The following ARHGEF28 variants were observed in gnomAD, a reference collection of about 807,000 sequenced individuals.
ARHGEF28 encodes Rho guanine nucleotide exchange factor 28.
A neutral mutation model predicts 206.6 loss-of-function variants in ARHGEF28; 152 were observed. The observed-to-expected ratio is 0.74, with a 90% CI of 0.64 to 0.84. ARHGEF28 has a LOEUF of 0.84. Among genes scored for constraint, ARHGEF28 ranks in the 40% least tolerant of loss-of-function variants. The pLI is 0.00. For synonymous variants in ARHGEF28, 763 were observed against 776.4 expected, an observed-to-expected ratio of 0.98 and a Z score of 0.29; for missense variants, 2,028 against 2,073.2, an observed-to-expected ratio of 0.98 and a Z score of 0.42.
At chr5:73,915,960 A>G (rs1763188601) in intron 35 of ARHGEF28, among the ~76,000 whole-genome samples, 1 of 152,206 alleles carries the variant, frequency 6.6e-6, no homozygotes, top group Non-Finnish European at 1.5e-5. Context: ...AAGTAACTTG[A>G]TTAAGTTTGA....
intron 22 of ARHGEF28, among the ~76,000 whole-genome samples, chr5:73,877,291 G>A (rs1256347572): frequency 8.0e-5 from 12 of 149,762 alleles, no homozygotes; most frequent in East Asian, 2.0e-4. Flanking sequence ...TTTTTATTGC[G>A]TCTATTTGAT....
intron 2 of ARHGEF28, among the ~76,000 whole-genome samples, chr5:73,708,976 A>G (rs888668563): frequency 6.6e-6 from 1 of 152,008 alleles, no homozygotes; most frequent in Non-Finnish European, 1.5e-5. Context: ...CCTTTTGGCC[A>G]CTTGTCTGTC....
intron 2 of ARHGEF28, among the ~76,000 whole-genome samples, chr5:73,737,089 C>T (rs1248938773): frequency 2.6e-5 from 4 of 152,138 alleles, no homozygotes; most frequent in Admixed American, 2.6e-4. Context: ...TCCCCACCCC[C>T]ACTTTATGAT....
chr5:73,636,853 G>T (rs950735237), intron 1 of ARHGEF28, among the ~76,000 whole-genome samples: 8 of 152,284 alleles, frequency 5.3e-5, no homozygotes, highest in African/African-American at 1.9e-4. Context: ...GGTAAGGATG[G>T]TGTCTTAAGC....
At chr5:73,772,858 A>G (rs1230343210) in intron 4 of ARHGEF28, among the ~76,000 whole-genome samples, 1 of 152,200 alleles carries the variant, frequency 6.6e-6, no homozygotes, top group Non-Finnish European at 1.5e-5. Context: ...ATAATGAGCA[A>G]TCATTCATTT....
intron 11 of ARHGEF28, among the ~76,000 whole-genome samples, chr5:73,841,981 T>A (rs1013663688): frequency 1.3e-5 from 2 of 152,194 alleles, no homozygotes; most frequent in African/African-American, 2.4e-5. Flanking sequence ...CCTTATATTT[T>A]CTTGCATATA....
At chr5:73,753,226 G>T in intron 4 of ARHGEF28, 24 bp downstream of exon 4, 1 of 1,514,518 alleles carries the variant, frequency 6.6e-7, no homozygotes, top group Non-Finnish European at 8.8e-7. Flanking sequence ...AGAAAATTCA[G>T]ATATCCCCTC....
intron 7 of ARHGEF28, among the ~76,000 whole-genome samples, chr5:73,781,381 C>T (rs948341549): frequency 2.6e-5 from 4 of 152,180 alleles, no homozygotes; most frequent in Non-Finnish European, 5.9e-5. Flanking sequence ...TGTTCCTACT[C>T]TATTCCACAA....
chr5:73,667,557 C>T (rs141462375), intron 1 of ARHGEF28, among the ~76,000 whole-genome samples: 3 of 152,326 alleles, frequency 2.0e-5, no homozygotes, highest in African/African-American at 7.2e-5. Context: ...CTCCCATCAT[C>T]TTGATGAATA....
rs760877373 is a variant in ARHGEF28, at chr5:73,909,499, C to T, written c.4249C>T (p.Leu1417Phe). The T allele has an allele frequency of 1.2e-6, 2 of 1,610,198 alleles. No homozygotes were observed. The highest frequency in any genetic ancestry group is 1.7e-6 in the Non-Finnish European group (2 of 1,178,374). Residue 1417 changes from leucine (L) to phenylalanine (F), a missense_variant, in exon 34 of 36, where the codon CTC becomes TTC. This residue lies in a region of ARHGEF28 where 803 missense variants were observed against 768.0 expected (regional missense o/e 1.05). Coordinates refer to ENST00000513042, the MANE Select transcript of ARHGEF28 (RefSeq NM_001177693.2). ...GGGCCTGTCTCTCGGCCACTCTATC[C>T]TCCGAGGCGGCCCCTTGCAGGACCA... ...QEGLSLGHSI[L>F]RGGPLQDQKS...
At position 73,930,864 on chromosome 5, in the gene ARHGEF28, G is replaced by C. The variant is rs553302454; in HGVS notation, c.4949-9980G>C. Reference sequence around the variant, plus strand: ...TGCCTTTAGGGTCCTCTGTACTTCTGTTCCAATATGGACTTGTTGCTCTCC... The same window carrying C: ...TGCCTTTAGGGTCCTCTGTACTTCTCTTCCAATATGGACTTGTTGCTCTCC... On this transcript the variant is annotated intron_variant, in intron 35 of 35. Coordinates refer to ENST00000513042, the MANE Select transcript of ARHGEF28 (RefSeq NM_001177693.2). Among the ~76,000 whole-genome samples, 123 of 152,134 alleles carry C rather than the reference G, an allele frequency of 8.1e-4. 1 individual carries two copies. Among genetic ancestry groups the C allele is most frequent in the African/African-American group, 2.8e-3 (115 of 41,504 alleles).
At chr5:73,671,795 A>C (rs1746363749) in intron 1 of ARHGEF28, among the ~76,000 whole-genome samples, 1 of 91,034 alleles carries the variant, frequency 1.1e-5, no homozygotes, top group South Asian at 5.1e-4. Flanking sequence ...TCGCTCTGTC[A>C]CCCAGGCTGG....
chr5:73,857,751 G>A lies in ARHGEF28; in HGVS notation c.1886G>A (p.Arg629Lys), dbSNP rs759613278. The A allele has an allele frequency of 2.9e-5, 47 of 1,612,860 alleles. 1 individual carries two copies. In the Middle Eastern group the frequency reaches 3.5e-3, roughly 119 times the overall value. ...CGAACTTTCAGTTTCCTCATGAATAGGATGACTAGCCCTCGGAATAAATCA... is the reference window on the plus strand; with the variant it reads ...CGAACTTTCAGTTTCCTCATGAATAAGATGACTAGCCCTCGGAATAAATCA... The part of the protein sequence containing the change: ...VSRTFSFLMN[R>K]MTSPRNKSKT... The change falls in exon 15 of 36, where the codon AGG (arginine) becomes AAG (lysine). Residue 629 changes from arginine to lysine, a missense_variant. Arg to Lys is a conservative substitution (Grantham distance 26). Coordinates refer to ENST00000513042, the MANE Select transcript of ARHGEF28 (RefSeq NM_001177693.2).
chr5:73,901,378 A>G (rs1460054579), intron 31 of ARHGEF28, 94 bp downstream of exon 31: 2 of 944,540 alleles, frequency 2.1e-6, no homozygotes, highest in Admixed American at 4.7e-5. Context: ...CAGTGGGGCA[A>G]AGGTGCTTTT....
chr5:73,684,822 T>C lies in ARHGEF28; in HGVS notation c.-11-19T>C, dbSNP rs1399940836. On this transcript the variant is annotated intron_variant, in intron 1 of 35. Transcript: ENST00000513042. ...GGGCCTCCTGCAATAACTTCTCTTG[T>C]TTATTATTTTCATTGCAGATGCGAA... is the stretch of plus-strand genomic sequence containing the variant. 1.6e-5 allele frequency: 25 copies of C among 1,605,366 alleles called. No homozygotes were observed. The highest frequency in any genetic ancestry group is 2.1e-5 in the Non-Finnish European group (25 of 1,175,386).
chr5:73,691,538 C>T (rs1394523062), intron 2 of ARHGEF28, among the ~76,000 whole-genome samples: 1 of 152,164 alleles, frequency 6.6e-6, no homozygotes, highest in African/African-American at 2.4e-5. Flanking sequence ...GAATCAGACA[C>T]TCTGTGGATG....
chr5:73,923,034 A>T, intron 35 of ARHGEF28: 2 of 1,483,718 alleles, frequency 1.3e-6, no homozygotes, highest in Non-Finnish European at 1.8e-6. Context: ...TTTGGCCAAA[A>T]TGTGATGGTC....
At chr5:73,749,642 C>T (rs938192922) in intron 2 of ARHGEF28, among the ~76,000 whole-genome samples, 195 bp from the exon 3 acceptor site, 1 of 152,174 alleles carries the variant, frequency 6.6e-6, no homozygotes, top group Admixed American at 6.5e-5. Context: ...GATACCCATA[C>T]CTAAATACAT....
chr5:73,824,000 G>C (rs1454836001), intron 9 of ARHGEF28, among the ~76,000 whole-genome samples: 1 of 152,178 alleles, frequency 6.6e-6, no homozygotes, highest in Non-Finnish European at 1.5e-5. Flanking sequence ...AGTAGTGTCT[G>C]GTATAATTAC....
Sources: gnomAD v4.1 joint callset for allele counts (sites outside exome capture counted in the v4.1 genomes callset) on GRCh38, gnomAD v4.1.1 for gene constraint, gnomAD v4.1.1 regional missense constraint, MANE v1.5 for transcripts, NCBI Gene and HGNC (gene_info 2026-07-23, HGNC 2026-07-21) for gene names.